REDIC1: variants seen among roughly 807,000 people sequenced by gnomAD.
The protein encoded by REDIC1 is HEI10 Interacting Protein 1.
chr12:39,712,017 T>TATGTCTATATAC, the REDIC1 span, among the ~76,000 whole-genome samples: 3 of 39,164 alleles, frequency 7.7e-5, no homozygotes, highest in African/African-American at 2.1e-4. Flanking sequence ...TACCTACCTG[T>TATGTCTATATAC]ATGTATATAT....
chr12:39,824,321 T>A, the REDIC1 span, among the ~76,000 whole-genome samples: 1 of 152,220 alleles, frequency 6.6e-6, no homozygotes, highest in Non-Finnish European at 1.5e-5. Flanking sequence ...CGACTGATAT[T>A]GAACATCAGC....
chr12:39,687,963 ACTGT>A, the REDIC1 span, among the ~76,000 whole-genome samples: 86 of 152,326 alleles, frequency 5.6e-4, no homozygotes, highest in Admixed American at 2.7e-3. Flanking sequence ...CAAGATTCAA[ACTGT>A]CTGTCTTATC....
At chr12:39,684,921 T>G in the REDIC1 span, 1 of 1,610,570 alleles carries the variant, frequency 6.2e-7, no homozygotes, top group East Asian at 2.2e-5. Context: ...ACTTTGGACT[T>G]GATGAGGTAA....
the REDIC1 span, among the ~76,000 whole-genome samples, chr12:39,693,789 A>AT: frequency 2.6e-5 from 4 of 152,074 alleles, no homozygotes; most frequent in African/African-American, 9.7e-5. Flanking sequence ...GTGGAGGTTC[A>AT]TTTTCAGGGT....
chr12:39,654,537 G>A, the REDIC1 span, among the ~76,000 whole-genome samples: 2 of 151,518 alleles, frequency 1.3e-5, no homozygotes, highest in African/African-American at 2.4e-5. Context: ...GCAGTGAGCC[G>A]AGATCGTGCC....
At chr12:39,906,794 C>T in the REDIC1 span, among the ~76,000 whole-genome samples, 1 of 151,988 alleles carries the variant, frequency 6.6e-6, no homozygotes, top group Non-Finnish European at 1.5e-5. Context: ...TTAAATTGAA[C>T]GTTGATAAAG....
chr12:39,630,988 A>C, the REDIC1 span, among the ~76,000 whole-genome samples: 1 of 152,292 alleles, frequency 6.6e-6, no homozygotes, highest in African/African-American at 2.4e-5. Flanking sequence ...AACTACCATT[A>C]ATAGTTCTGT....
the REDIC1 span, among the ~76,000 whole-genome samples, chr12:39,783,027 C>T: frequency 2.0e-5 from 3 of 152,158 alleles, no homozygotes; most frequent in African/African-American, 7.2e-5. Flanking sequence ...CCGCTCCCCC[C>T]ACCCCACGAC....
chr12:39,745,284 C>G, the REDIC1 span, among the ~76,000 whole-genome samples: 2 of 152,112 alleles, frequency 1.3e-5, no homozygotes, highest in African/African-American at 2.4e-5. Flanking sequence ...AACAGTAACA[C>G]AATTTTCAGG....
the REDIC1 span, among the ~76,000 whole-genome samples, chr12:39,662,477 A>G: frequency 0.055 from 8,276 of 151,448 alleles, 355 homozygotes; most frequent in African/African-American, 0.12. Flanking sequence ...ATGTTTGTTG[A>G]CTTTCTGTCC....
At chr12:39,896,513 TGTGTATAC>T in the REDIC1 span, among the ~76,000 whole-genome samples, 1 of 147,464 alleles carries the variant, frequency 6.8e-6, no homozygotes, top group African/African-American at 2.5e-5. Flanking sequence ...TATGTACATG[TGTGTATAC>T]ATGTATACAT....
At chr12:39,778,752 C>A in the REDIC1 span, among the ~76,000 whole-genome samples, 1 of 152,082 alleles carries the variant, frequency 6.6e-6, no homozygotes, top group African/African-American at 2.4e-5. Flanking sequence ...TGTTGGACAT[C>A]CTTTGAGATA....
the REDIC1 span, among the ~76,000 whole-genome samples, chr12:39,752,155 C>G: frequency 6.8e-4 from 104 of 152,240 alleles, no homozygotes; most frequent in African/African-American, 2.4e-3. Context: ...TATCTTCTAG[C>G]GTGGAATCCT....
chr12:39,861,520 G>C, the REDIC1 span, among the ~76,000 whole-genome samples: 2 of 152,144 alleles, frequency 1.3e-5, no homozygotes, highest in Admixed American at 6.6e-5. Flanking sequence ...AATACGTCAA[G>C]TATTTGAGGG....
the REDIC1 span, chr12:39,756,067 T>C: frequency 1.3e-5 from 2 of 151,986 alleles, no homozygotes; most frequent in Non-Finnish European, 2.9e-5. Flanking sequence ...CGACAATTTA[T>C]AGACTGCTAC....
the REDIC1 span, among the ~76,000 whole-genome samples, chr12:39,752,053 A>G: frequency 6.6e-6 from 1 of 152,304 alleles, no homozygotes; most frequent in Admixed American, 6.5e-5. Flanking sequence ...AAGTATAAAA[A>G]AAAGAAATTT....
chr12:39,635,091 G>A, the REDIC1 span, among the ~76,000 whole-genome samples: 1 of 151,984 alleles, frequency 6.6e-6, no homozygotes, highest in Non-Finnish European at 1.5e-5. Flanking sequence ...AACCACAATG[G>A]GATACCATCT....
the REDIC1 span, among the ~76,000 whole-genome samples, chr12:39,761,496 A>G: frequency 6.6e-6 from 1 of 152,100 alleles, no homozygotes; most frequent in Admixed American, 6.6e-5. Context: ...AGATTGTTAA[A>G]TTCTACTAAA....
the REDIC1 span, among the ~76,000 whole-genome samples, chr12:39,837,267 T>G: frequency 6.7e-6 from 1 of 150,342 alleles, no homozygotes; most frequent in Non-Finnish European, 1.5e-5. Context: ...TAAATGGTGC[T>G]GGGAAAACTG....
Sources: gnomAD v4.1 joint callset for allele counts (sites outside exome capture counted in the v4.1 genomes callset) on GRCh38, gnomAD v4.1.1 for gene constraint, MANE v1.5 for transcripts, NCBI Gene and HGNC (gene_info 2026-07-23, HGNC 2026-07-21) for gene names.